KATNBL1: variants seen among roughly 807,000 people sequenced by gnomAD.
The protein encoded by KATNBL1 is KATNB1-like protein 1.
In KATNBL1, 28 loss-of-function variants were observed where a neutral mutation model predicts 44.7. The observed-to-expected ratio is 0.63, with a 90% CI of 0.46 to 0.86. The LOEUF (loss-of-function observed/expected upper bound fraction) is 0.86. Ranked by LOEUF, KATNBL1 falls within the 40% of genes least tolerant of loss-of-function variation. The probability of loss-of-function intolerance (pLI) is 0.00; values close to 1 mark genes in which losing one functional copy is unlikely to be tolerated. For synonymous variants in KATNBL1, 78 were observed against 114.9 expected (o/e 0.68, Z 2.06); for missense variants, 272 against 350.7 (o/e 0.78, Z 1.79).
intron 1 of KATNBL1, among the ~76,000 whole-genome samples, chr15:34,189,520 C>T (rs893980712): frequency 7.9e-5 from 12 of 152,074 alleles, no homozygotes; most frequent in Non-Finnish European, 1.8e-4. Context: ...ATTTTGCTTT[C>T]GGAAAGTTTG....
chr15:34,206,694 G>C lies in KATNBL1; in HGVS notation c.-15+3257C>G, dbSNP rs559524430. 3.3e-5 allele frequency among the ~76,000 whole-genome samples: 5 copies of C among 152,188 alleles called. No homozygotes were observed. The South Asian group carries it at 1.0e-3, about 32-fold the overall frequency. On this transcript the variant is annotated intron_variant, in intron 1 of 9. Coordinates refer to ENST00000256544, the MANE Select transcript of KATNBL1 (RefSeq NM_024713.3). ...TAATCCCAGCTACTCAGGAGGCTGAGGCAGGAGAATAGCTTGAACCCGGGA... is the reference window on the plus strand; with the variant it reads ...TAATCCCAGCTACTCAGGAGGCTGACGCAGGAGAATAGCTTGAACCCGGGA...
intron 2 of KATNBL1, among the ~76,000 whole-genome samples, chr15:34,158,256 G>C (rs563796606): frequency 6.6e-6 from 1 of 152,324 alleles, no homozygotes; most frequent in East Asian, 1.9e-4. Flanking sequence ...ATGCAGATGA[G>C]AGAGGTCTCT....
chr15:34,153,631 C>T (rs1888550438), intron 3 of KATNBL1, among the ~76,000 whole-genome samples: 1 of 151,702 alleles, frequency 6.6e-6, no homozygotes, highest in Admixed American at 6.6e-5. Context: ...TGTGCAGTGG[C>T]ACAATCTCAG....
intron 4 of KATNBL1, among the ~76,000 whole-genome samples, chr15:34,151,435 A>ATTTTTTTTTTTTT (rs1491367010): frequency 1.6e-5 from 1 of 63,822 alleles, no homozygotes; most frequent in Non-Finnish European, 3.2e-5. Context: ...TCCTTTGCCT[A>ATTTTTTTTTTTTT]CTTTTTTTTT....
intron 2 of KATNBL1, among the ~76,000 whole-genome samples, chr15:34,157,502 C>G (rs1337395218): frequency 6.6e-6 from 1 of 152,124 alleles, no homozygotes; most frequent in Non-Finnish European, 1.5e-5. Context: ...GCTAAAAGAC[C>G]TTTAGTTCTG....
intron 1 of KATNBL1, among the ~76,000 whole-genome samples, chr15:34,200,920 G>A (rs1488991469): frequency 2.0e-5 from 3 of 152,068 alleles, no homozygotes; most frequent in Non-Finnish European, 2.9e-5. Flanking sequence ...AGGTTCAAGC[G>A]ATTCCCCTGC....
intron 1 of KATNBL1, among the ~76,000 whole-genome samples, chr15:34,189,243 C>G (rs530055017): frequency 2.2e-4 from 34 of 152,308 alleles, no homozygotes; most frequent in African/African-American, 6.0e-4. Context: ...AGGCTGGTCT[C>G]GAAGTCCCAA....
At chr15:34,200,880 C>A (rs1246371480) in intron 1 of KATNBL1, among the ~76,000 whole-genome samples, 1 of 151,984 alleles carries the variant, frequency 6.6e-6, no homozygotes, top group Non-Finnish European at 1.5e-5. Flanking sequence ...GCAGTGGCGC[C>A]ATCTCAGCTC....
chr15:34,180,352 C>T (rs1191665475), intron 1 of KATNBL1, among the ~76,000 whole-genome samples: 1 of 152,160 alleles, frequency 6.6e-6, no homozygotes, highest in Non-Finnish European at 1.5e-5. Flanking sequence ...GCCAAGCCAA[C>T]TCTAAAGACA....
chr15:34,196,612 C>G (rs568703074), intron 1 of KATNBL1, among the ~76,000 whole-genome samples: 3 of 152,090 alleles, frequency 2.0e-5, no homozygotes, highest in African/African-American at 7.2e-5. Context: ...CCTGTAATCC[C>G]AGCTACTCGG....
intron 1 of KATNBL1, among the ~76,000 whole-genome samples, chr15:34,201,947 A>G (rs1335756001): frequency 6.6e-6 from 1 of 152,224 alleles, no homozygotes; most frequent in Non-Finnish European, 1.5e-5. Flanking sequence ...TGTACTAGAT[A>G]TTACAAATAA....
chr15:34,162,697 C>T (rs545542858), intron 2 of KATNBL1, among the ~76,000 whole-genome samples: 5 of 152,256 alleles, frequency 3.3e-5, no homozygotes, highest in South Asian at 2.1e-4. Context: ...GTAGCCTTAA[C>T]GCCCTGGGCT....
chr15:34,195,295 G>C (rs534151268), intron 1 of KATNBL1, among the ~76,000 whole-genome samples: 16 of 152,270 alleles, frequency 1.1e-4, no homozygotes, highest in African/African-American at 3.9e-4. Context: ...GTCTTTTGTA[G>C]CAACATAGAT....
rs560271242 is a variant in KATNBL1 at position 34,207,827 on chromosome 15, T to C, written c.-15+2124A>G. 4.6e-5 allele frequency among the ~76,000 whole-genome samples: 7 copies of C among 152,326 alleles called. No homozygotes were observed. The South Asian group carries it at 1.4e-3, about 32-fold the overall frequency. On this transcript the variant is annotated intron_variant, in intron 1 of 9. Coordinates refer to ENST00000256544, the MANE Select transcript of KATNBL1 (RefSeq NM_024713.3). ...TATGTTGCCTAGGCTGCTCTCGAACTCCTGGCTTCCAGAGATCCTCCTGTC... is the reference window on the plus strand; with the variant it reads ...TATGTTGCCTAGGCTGCTCTCGAACCCCTGGCTTCCAGAGATCCTCCTGTC...
chr15:34,188,609 TAGC>T (rs1314868470), intron 1 of KATNBL1, among the ~76,000 whole-genome samples: 10 of 152,134 alleles, frequency 6.6e-5, no homozygotes, highest in African/African-American at 2.2e-4. Context: ...AACAAAAAAG[TAGC>T]AGTGTTTCAA....
intron 1 of KATNBL1, among the ~76,000 whole-genome samples, chr15:34,203,840 T>C (rs915979691): frequency 2.8e-5 from 4 of 141,560 alleles, no homozygotes; most frequent in Non-Finnish European, 3.0e-5. Context: ...TGAGAACACA[T>C]GGATACAGGG....
At chr15:34,181,879 A>ATGTG (rs1889577117) in intron 1 of KATNBL1, among the ~76,000 whole-genome samples, 3 of 140,930 alleles carry the variant, frequency 2.1e-5, no homozygotes, top group Admixed American at 7.2e-5. Context: ...CCATATATAT[A>ATGTG]TATATATATG....
chr15:34,171,154 T>C (rs183783460), intron 1 of KATNBL1, among the ~76,000 whole-genome samples: 8 of 152,156 alleles, frequency 5.3e-5, no homozygotes, highest in South Asian at 2.1e-4. Flanking sequence ...AGGCAGCCTA[T>C]AGAACGGGAG....
At chr15:34,202,746 T>C (rs1310149888) in intron 1 of KATNBL1, among the ~76,000 whole-genome samples, 1 of 152,070 alleles carries the variant, frequency 6.6e-6, no homozygotes. Context: ...ATCTCAGCAC[T>C]TTGGGAGGCC....
Sources: gnomAD v4.1 joint callset for allele counts (sites outside exome capture counted in the v4.1 genomes callset) on GRCh38, gnomAD v4.1.1 for gene constraint, MANE v1.5 for transcripts, NCBI Gene and HGNC (gene_info 2026-07-23, HGNC 2026-07-21) for gene names.